Variants in XRCC6 observed in about 807,000 individuals in gnomAD.
The protein encoded by XRCC6 is X-ray repair cross complementing 6, also known as DNA repair protein Ku70.
A neutral mutation model predicts 65.7 loss-of-function variants in XRCC6; 5 were observed. The observed-to-expected ratio is 0.08, with a 90% CI of 0.04 to 0.16. The LOEUF (loss-of-function observed/expected upper bound fraction) is 0.16, where lower values mean the gene tolerates loss of function less well. XRCC6 is among the 10% of genes least tolerant of loss of function. The pLI, the probability that XRCC6 is intolerant of heterozygous loss-of-function variation, is 1.00. For missense variants in XRCC6, 447 were observed against 738.1 expected, an observed-to-expected ratio of 0.61 and a Z score of 4.57; for synonymous variants, 270 against 270.6, an observed-to-expected ratio of 1.00 and a Z score of 0.02.
intron 8 of XRCC6, among the ~76,000 whole-genome samples, chr22:41,652,776 C>A (rs536254826): frequency 6.6e-6 from 1 of 152,230 alleles, no homozygotes; most frequent in Non-Finnish European, 1.5e-5. Context: ...TGAATTCAAG[C>A]GATTCTTCTG....
intron 2 of XRCC6, among the ~76,000 whole-genome samples, chr22:41,627,400 C>T (rs549909260): frequency 3.3e-4 from 50 of 151,934 alleles, no homozygotes; most frequent in African/African-American, 1.2e-3. Flanking sequence ...CACCTGAGGC[C>T]GGGAGTTCAA....
chr22:41,628,458 C>T (rs747371162), intron 3 of XRCC6: 10 of 332,878 alleles, frequency 3.0e-5, no homozygotes, highest in Middle Eastern at 8.7e-4. Context: ...CTCAGGAGGC[C>T]GAGGCGAGAG....
Position 41,658,273 on chromosome 22 carries a change from C to G in XRCC6, c.1443C>G (p.Pro481=). 1 of 1,613,656 alleles carries G rather than the reference C, an allele frequency of 6.2e-7. No individual in the cohort carries two copies. The highest frequency in any genetic ancestry group is 8.5e-7 in the Non-Finnish European group (1 of 1,179,964). ...ACAGAAGTGACAGCTTTGAGAACCCCGTGCTGCAGCAGCACTTCAGGAACC... is the reference window on the plus strand; with the variant it reads ...ACAGAAGTGACAGCTTTGAGAACCCGGTGCTGCAGCAGCACTTCAGGAACC... ...FTYRSDSFEN[P]VLQQHFRNLE... Residue 481 remains proline, a synonymous_variant, in exon 11 of 13, where the codon CCC becomes CCG. Transcript: ENST00000360079.
intron 2 of XRCC6, among the ~76,000 whole-genome samples, 181 bp downstream of exon 2, chr22:41,622,267 C>G (rs2147058251): frequency 6.6e-6 from 1 of 152,320 alleles, no homozygotes; most frequent in South Asian, 2.1e-4. Context: ...AGATCTTACT[C>G]TAGTGTGCCC....
chr22:41,630,359 C>T (rs530972937), intron 3 of XRCC6, among the ~76,000 whole-genome samples: 3 of 152,128 alleles, frequency 2.0e-5, no homozygotes, highest in Non-Finnish European at 4.4e-5. Context: ...AATCCACCCA[C>T]CTCAGCCTCC....
intron 1 of XRCC6, 151 bp from the exon 2 acceptor site, chr22:41,621,839 G>C: frequency 1.5e-6 from 1 of 671,582 alleles, no homozygotes; most frequent in Non-Finnish European, 2.5e-6. Flanking sequence ...TTTACATGCA[G>C]TCCGACTGCC....
At chr22:41,631,502 G>C (rs1335685725) in intron 3 of XRCC6, among the ~76,000 whole-genome samples, 1 of 149,804 alleles carries the variant, frequency 6.7e-6, no homozygotes, top group Non-Finnish European at 1.5e-5. Flanking sequence ...GTCACGGCTG[G>C]GCAGAGGCGC....
At chr22:41,621,781 T>G (rs1601521133) in intron 1 of XRCC6, 1 of 522,786 alleles carries the variant, frequency 1.9e-6, no homozygotes, top group Non-Finnish European at 3.4e-6. Flanking sequence ...CCCTGAAACG[T>G]GAGGGATAGC....
chr22:41,649,004 G>A (rs867194817), intron 7 of XRCC6, among the ~76,000 whole-genome samples: 1 of 36,776 alleles, frequency 2.7e-5, no homozygotes, highest in African/African-American at 3.3e-4. Flanking sequence ...TTTGGAGGCT[G>A]AAGGAGGATC....
At chr22:41,634,318 C>T (rs1046197133) in intron 3 of XRCC6, among the ~76,000 whole-genome samples, 1 of 151,818 alleles carries the variant, frequency 6.6e-6, no homozygotes, top group Admixed American at 6.6e-5. Flanking sequence ...CCCTGAGTAG[C>T]TGAGTAGTGG....
intron 6 of XRCC6, among the ~76,000 whole-genome samples, chr22:41,640,414 G>T (rs1200909451): frequency 2.0e-5 from 3 of 152,182 alleles, no homozygotes; most frequent in Admixed American, 2.0e-4. Flanking sequence ...CTCCCAAAGT[G>T]CTGGGATTAA....
chr22:41,643,247 A>T (rs1030070373), intron 6 of XRCC6, among the ~76,000 whole-genome samples: 3 of 152,050 alleles, frequency 2.0e-5, no homozygotes, highest in Admixed American at 2.0e-4. Context: ...CGTCTCTACT[A>T]AAAATACAAA....
intron 3 of XRCC6, among the ~76,000 whole-genome samples, chr22:41,635,515 A>G (rs921854553): frequency 6.6e-6 from 1 of 152,072 alleles, no homozygotes; most frequent in African/African-American, 2.4e-5. Context: ...CCCAACTCCC[A>G]TAGCACAATT....
chr22:41,625,058 C>T (rs2067654917), intron 2 of XRCC6, among the ~76,000 whole-genome samples: 1 of 151,986 alleles, frequency 6.6e-6, no homozygotes, highest in African/African-American at 2.4e-5. Flanking sequence ...GTAATCCCAG[C>T]ATTTTTGGAG....
chr22:41,653,457 A>G (rs1408457646), intron 8 of XRCC6, 72 bp from the exon 9 acceptor site: 33 of 1,415,056 alleles, frequency 2.3e-5, no homozygotes, highest in Non-Finnish European at 3.1e-5. Flanking sequence ...TGGAAGAGAA[A>G]CTTTAGGGCT....
intron 9 of XRCC6, 34 bp downstream of exon 9, chr22:41,653,724 C>G (rs555983086): frequency 1.5e-5 from 24 of 1,603,890 alleles, no homozygotes; most frequent in Non-Finnish European, 2.0e-5. Flanking sequence ...GGCTTCTGAA[C>G]CTTGCCCATA....
At chr22:41,636,003 A>T (rs960811255) in intron 3 of XRCC6, 110 bp from the exon 4 acceptor site, 1 of 921,160 alleles carries the variant, frequency 1.1e-6, no homozygotes, top group Non-Finnish European at 1.6e-6. Flanking sequence ...GCCTTATTTT[A>T]GTGCCATATA....
chr22:41,629,304 CTCTA>C (rs376002090), intron 3 of XRCC6, among the ~76,000 whole-genome samples: 8 of 152,258 alleles, frequency 5.3e-5, no homozygotes, highest in African/African-American at 1.9e-4. Context: ...CAGCCACCAC[CTCTA>C]TCTTATTCCA....
At chr22:41,628,970 A>AG (rs1449869277) in intron 3 of XRCC6, among the ~76,000 whole-genome samples, 5 of 150,628 alleles carry the variant, frequency 3.3e-5, no homozygotes, top group Admixed American at 3.3e-4. Context: ...TGTCTCAAAA[A>AG]AAAAAAAAAA....
Sources: allele counts gnomAD v4.1 joint callset (sites outside exome capture counted in the v4.1 genomes callset), GRCh38; gene constraint gnomAD v4.1.1; transcripts MANE v1.5; gene names NCBI Gene and HGNC (gene_info 2026-07-23, HGNC 2026-07-21).